Variants in RPH3A observed in about 807,000 individuals in gnomAD.
RPH3A encodes rabphilin-3A.
A neutral mutation model predicts 102.2 loss-of-function variants in RPH3A; 48 were observed. The ratio of observed to expected loss-of-function variants is 0.47; its 90% CI spans 0.37 to 0.60. RPH3A has a LOEUF of 0.60. Ranked by LOEUF, RPH3A falls within the 20% of genes least tolerant of loss-of-function variation. RPH3A has a pLI of 0.00. For synonymous variants in RPH3A, 310 were observed against 324.3 expected (o/e 0.96, Z 0.47); for missense variants, 781 against 910.1 (o/e 0.86, Z 1.83).
At chr12:112,664,316 T>C (rs1314450695) in intron 1 of RPH3A, among the ~76,000 whole-genome samples, 1 of 151,946 alleles carries the variant, frequency 6.6e-6, no homozygotes, top group East Asian at 1.9e-4. Context: ...ATGAAGGCAA[T>C]GGGGATATAT....
At chr12:112,845,961 G>A (rs2042221640) in intron 4 of RPH3A, among the ~76,000 whole-genome samples, 1 of 152,128 alleles carries the variant, frequency 6.6e-6, no homozygotes, top group Non-Finnish European at 1.5e-5. Context: ...TCCTGGCAGG[G>A]GGAACAGCAA....
At chr12:112,628,850 G>A (rs1000165770) in intron 1 of RPH3A, among the ~76,000 whole-genome samples, 2 of 152,114 alleles carry the variant, frequency 1.3e-5, no homozygotes, top group African/African-American at 4.8e-5. Context: ...GCTGTGAGGG[G>A]AACTTGCAGC....
chr12:112,628,834 G>A (rs190005663), intron 1 of RPH3A, among the ~76,000 whole-genome samples: 1 of 152,182 alleles, frequency 6.6e-6, no homozygotes, highest in Non-Finnish European at 1.5e-5. Flanking sequence ...TGGGATTCTC[G>A]TGTCTGCTGT....
At chr12:112,723,063 C>A (rs771980717) in intron 1 of RPH3A, among the ~76,000 whole-genome samples, 2 of 152,096 alleles carry the variant, frequency 1.3e-5, no homozygotes, top group East Asian at 1.9e-4. Context: ...TTACAATTTG[C>A]CGAAATTGTT....
At chr12:112,844,171 G>A (rs1452305133) in intron 4 of RPH3A, among the ~76,000 whole-genome samples, 1 of 152,188 alleles carries the variant, frequency 6.6e-6, no homozygotes, top group Admixed American at 6.5e-5. Flanking sequence ...GGCAGGACCT[G>A]AGCCTTGCTT....
chr12:112,759,937 A>G (rs900684412), intron 1 of RPH3A, among the ~76,000 whole-genome samples: 1 of 152,132 alleles, frequency 6.6e-6, no homozygotes, highest in African/African-American at 2.4e-5. Context: ...GATCTATTTA[A>G]AGCAGCATAT....
At chr12:112,739,332 T>C (rs926983207) in intron 1 of RPH3A, among the ~76,000 whole-genome samples, 9 of 152,254 alleles carry the variant, frequency 5.9e-5, no homozygotes, top group African/African-American at 1.2e-4. Context: ...CTTTGTGAAG[T>C]GTATAATTCT....
At chr12:112,793,449 C>T (rs980879653) in intron 2 of RPH3A, among the ~76,000 whole-genome samples, 19 of 152,170 alleles carry the variant, frequency 1.2e-4, no homozygotes, top group Non-Finnish European at 1.6e-4. Context: ...GAAATATAAG[C>T]AGGGTTCACT....
At chr12:112,701,382 T>A (rs2040393333) in intron 1 of RPH3A, among the ~76,000 whole-genome samples, 1 of 152,320 alleles carries the variant, frequency 6.6e-6, no homozygotes, top group African/African-American at 2.4e-5. Flanking sequence ...GTAATGCTTA[T>A]TATCTTTTAT....
chr12:112,659,186 A>G lies in RPH3A; in HGVS notation c.-140+83867A>G, dbSNP rs1041690867. 4.6e-5 allele frequency among the ~76,000 whole-genome samples: 7 copies of G among 152,202 alleles called. 1 individual carries two copies. The highest frequency in any genetic ancestry group is 7.3e-5 in the Non-Finnish European group (5 of 68,036). On this transcript the variant is annotated intron_variant, in intron 1 of 21. Coordinates refer to the RPH3A transcript ENST00000543106. The stretch of plus-strand genomic sequence containing the variant: ...CAAAGATATTCTCCTGCTTAGCCAC[A>G]TTACAACCATCCTAACCAAGAAATG...
At chr12:112,683,810 A>G (rs2136017890) in intron 1 of RPH3A, among the ~76,000 whole-genome samples, 1 of 152,258 alleles carries the variant, frequency 6.6e-6, no homozygotes, top group Non-Finnish European at 1.5e-5. Flanking sequence ...CCAGGCAGAG[A>G]GAGTGGGCAC....
intron 2 of RPH3A, among the ~76,000 whole-genome samples, chr12:112,796,249 G>T (rs1294666940): frequency 6.6e-6 from 1 of 152,190 alleles, no homozygotes; most frequent in Non-Finnish European, 1.5e-5. Flanking sequence ...CAAGTCCCTG[G>T]GAGGTTTTTG....
At chr12:112,856,358 C>T (rs1293840769) in intron 5 of RPH3A, among the ~76,000 whole-genome samples, 1 of 152,204 alleles carries the variant, frequency 6.6e-6, no homozygotes, top group South Asian at 2.1e-4. Flanking sequence ...GTCGGTCCTC[C>T]ACTGAGCTTA....
chr12:112,837,875 CT>C (rs2042079571), intron 4 of RPH3A: 1 of 451,642 alleles, frequency 2.2e-6, no homozygotes, highest in African/African-American at 2.0e-5. Context: ...TCCCTCCCTC[CT>C]TCCCCCCTCC....
intron 1 of RPH3A, among the ~76,000 whole-genome samples, chr12:112,758,149 G>T (rs1454157350): frequency 1.3e-5 from 2 of 152,150 alleles, no homozygotes; most frequent in Non-Finnish European, 2.9e-5. Flanking sequence ...AAGTGTAGGG[G>T]AGCTGGAGGA....
At chr12:112,635,585 C>T (rs1349859391) in intron 1 of RPH3A, among the ~76,000 whole-genome samples, 1 of 152,076 alleles carries the variant, frequency 6.6e-6, no homozygotes, top group African/African-American at 2.4e-5. Flanking sequence ...CTTATGATTG[C>T]CTGAATATTA....
intron 4 of RPH3A, among the ~76,000 whole-genome samples, chr12:112,844,888 A>G (rs2136185029): frequency 6.6e-6 from 1 of 152,330 alleles, no homozygotes; most frequent in East Asian, 1.9e-4. Flanking sequence ...CTGGGGCAGC[A>G]GTTATCTGAA....
intron 13 of RPH3A, among the ~76,000 whole-genome samples, chr12:112,878,620 G>T (rs2136241374): frequency 6.6e-6 from 1 of 152,344 alleles, no homozygotes. Context: ...GACTATGATG[G>T]TAGCTACTTT....
At chr12:112,612,180 G>T (rs1286982859) in intron 1 of RPH3A, among the ~76,000 whole-genome samples, 1 of 152,140 alleles carries the variant, frequency 6.6e-6, no homozygotes, top group Non-Finnish European at 1.5e-5. Flanking sequence ...GGGGGGGTGG[G>T]CTATTCATTT....
Sources: gnomAD v4.1 joint callset for allele counts (sites outside exome capture counted in the v4.1 genomes callset) on GRCh38, gnomAD v4.1.1 for gene constraint, MANE v1.5 for transcripts, NCBI Gene and HGNC (gene_info 2026-07-23, HGNC 2026-07-21) for gene names.